SLC22A23: variants seen among roughly 807,000 people sequenced by gnomAD.
SLC22A23 encodes the protein solute carrier family 22 member 23.
In SLC22A23, 26 loss-of-function variants were observed where a neutral mutation model predicts 61.0. That is an observed-to-expected ratio of 0.43 (90% CI 0.31 to 0.59). The LOEUF (loss-of-function observed/expected upper bound fraction) is 0.59, where lower values mean the gene tolerates loss of function less well. Among genes scored for constraint, SLC22A23 ranks in the 20% least tolerant of loss-of-function variants. The pLI is 0.11. For missense variants in SLC22A23, 796 were observed against 934.7 expected (o/e 0.85, Z 1.94); for synonymous variants, 430 against 413.9 (o/e 1.04, Z -0.47).
intron 9 of SLC22A23, among the ~76,000 whole-genome samples, chr6:3,280,929 G>A (rs538352221): frequency 1.3e-5 from 2 of 152,244 alleles, no homozygotes; most frequent in African/African-American, 4.8e-5. Context: ...GTCAGTCAGG[G>A]AGTGTCTCAG....
At chr6:3,290,140 T>G (rs756169832) in intron 5 of SLC22A23, 3 of 509,986 alleles carry the variant, frequency 5.9e-6, no homozygotes, top group Non-Finnish European at 1.1e-5. Context: ...AACCCTTGTT[T>G]TGGAACCAGT....
intron 5 of SLC22A23, chr6:3,290,155 G>A (rs2127332883): frequency 2.1e-6 from 1 of 487,272 alleles, no homozygotes. Context: ...ACCAGTCAGA[G>A]TGCACACAAA....
rs143963234 is a variant in SLC22A23, at chr6:3,369,467, G to T, written c.913+40721C>A. On this transcript the variant is annotated intron_variant, in intron 3 of 9. Transcript: ENST00000406686. Reference sequence around the variant, plus strand: ...GCACTTCGGGAGGCCAAGGCGGGTGGATCACCTGAACTGAAGAGTTCGAGA... The same window carrying T: ...GCACTTCGGGAGGCCAAGGCGGGTGTATCACCTGAACTGAAGAGTTCGAGA... Among the ~76,000 whole-genome samples, 1,098 of 152,258 alleles carry T rather than the reference G, an allele frequency of 7.2e-3. 17 individuals carry two copies. The highest frequency in any genetic ancestry group is 0.02 in the African/African-American group (817 of 41,540).
chr6:3,287,527 C>A (rs144589186), intron 6 of SLC22A23, among the ~76,000 whole-genome samples: 1 of 152,128 alleles, frequency 6.6e-6, no homozygotes, highest in Non-Finnish European at 1.5e-5. Context: ...GGCGGGTAAG[C>A]GGCAACTCAG....
chr6:3,384,041 C>T (rs1049899476), intron 3 of SLC22A23, among the ~76,000 whole-genome samples: 4 of 152,216 alleles, frequency 2.6e-5, no homozygotes, highest in Non-Finnish European at 4.4e-5. Context: ...TAATGATGTA[C>T]ACCCCTATTA....
At chr6:3,406,039 T>A (rs1768801786) in intron 3 of SLC22A23, among the ~76,000 whole-genome samples, 1 of 152,106 alleles carries the variant, frequency 6.6e-6, no homozygotes, top group Admixed American at 6.5e-5. Context: ...TTGTTCATTG[T>A]TGGGGGGAAA....
At chr6:3,290,875 C>T (rs60267481) in intron 5 of SLC22A23, 16,145 of 152,214 alleles carry the variant, frequency 0.11, 1,177 homozygotes, top group African/African-American at 0.2. Context: ...AGGGAGACTT[C>T]CCGAAGCGGA....
At chr6:3,293,564 G>A (rs74450452) in intron 5 of SLC22A23, among the ~76,000 whole-genome samples, 1,698 of 152,344 alleles carry the variant, frequency 0.011, 14 homozygotes, top group Non-Finnish European at 0.018. Flanking sequence ...ACAACTGACC[G>A]GGCACTGCCG....
chr6:3,315,492 C>CGTCCT (rs1226669731), intron 4 of SLC22A23, among the ~76,000 whole-genome samples: 1 of 152,206 alleles, frequency 6.6e-6, no homozygotes, highest in Non-Finnish European at 1.5e-5. Context: ...CTGGACAGGA[C>CGTCCT]CATCAGATCT....
chr6:3,282,093 A>C (rs199518245), intron 9 of SLC22A23: 2 of 645,312 alleles, frequency 3.1e-6, no homozygotes, highest in Non-Finnish European at 5.6e-6. Context: ...CCCCTCCCCC[A>C]ACAAAATATG....
intron 1 of SLC22A23, among the ~76,000 whole-genome samples, chr6:3,430,073 A>C (rs1770760202): frequency 6.6e-6 from 1 of 152,242 alleles, no homozygotes; most frequent in African/African-American, 2.4e-5. Context: ...ACACACAAAA[A>C]AAAGTTTAAA....
chr6:3,450,612 C>A (rs927753658), intron 1 of SLC22A23, among the ~76,000 whole-genome samples: 1 of 152,054 alleles, frequency 6.6e-6, no homozygotes, highest in Admixed American at 6.6e-5. Flanking sequence ...GCCGTCAGTT[C>A]GGTATTAGGA....
In SLC22A23 at chr6:3,325,136, GGAA is replaced by G. The variant is rs1763201275; in HGVS notation, c.914-1137_914-1135del. Among the ~76,000 whole-genome samples, 10 of 152,316 alleles carry G rather than the reference GGAA, an allele frequency of 6.6e-5. No individual in the cohort carries two copies. The South Asian group carries it at 2.1e-3, about 32-fold the overall frequency. On this transcript the variant is annotated intron_variant, in intron 3 of 9. Coordinates refer to ENST00000406686, the MANE Select transcript of SLC22A23 (RefSeq NM_015482.2). ...AGGAGGAGGGGGAAGAAGAAGAAGA[GGAA>G]GAAGACAGACCCTTCGGAGAGAACA...
rs1767594615 is a variant in SLC22A23 at position 3,390,467 on chromosome 6, C to T, written c.913+19721G>A. On this transcript the variant is annotated intron_variant, in intron 3 of 9. Coordinates refer to ENST00000406686, the MANE Select transcript of SLC22A23 (RefSeq NM_015482.2). This position sits in a 1 kb window ranked among gnomAD's most constrained non-coding sequence, Gnocchi z 4.0. The stretch of plus-strand genomic sequence containing the variant: ...ATGAGAAGGCTAAGAATTCTGTTCA[C>T]ATCTACCATGACCTTAGTCCACAGG... Among the ~76,000 whole-genome samples the T allele has an allele frequency of 6.6e-6, 1 of 152,176 alleles. No homozygotes were observed. The highest frequency in any genetic ancestry group is 6.5e-5 in the Admixed American group (1 of 15,276).
At chr6:3,408,526 T>TC (rs1768980335) in intron 3 of SLC22A23, among the ~76,000 whole-genome samples, 2 of 152,176 alleles carry the variant, frequency 1.3e-5, no homozygotes, top group African/African-American at 4.8e-5. Flanking sequence ...TTCCCTACCC[T>TC]CCTTCCTTGA....
chr6:3,416,531 G>C (rs187732931), intron 1 of SLC22A23, among the ~76,000 whole-genome samples: 2 of 152,216 alleles, frequency 1.3e-5, no homozygotes, highest in Non-Finnish European at 2.9e-5. Context: ...TGTTTAATAA[G>C]AAAAATACAA....
Position 3,456,896 on chromosome 6 carries a change from G to C in SLC22A23, c.-337C>G, listed in dbSNP as rs1468536235. ...CTGCTCCGCGCCGGACGCGGCAGGA[G>C]GAGGAGCCGGCGCCGCGCCCGGCCC... On this transcript the variant is annotated 5_prime_UTR_variant, in exon 1 of 10. Coordinates refer to ENST00000406686, the MANE Select transcript of SLC22A23 (RefSeq NM_015482.2). This position sits in a 1 kb window ranked among gnomAD's most constrained non-coding sequence, Gnocchi z 7.1. The C allele has an allele frequency of 6.7e-6, 1 of 148,446 alleles. No homozygotes were observed. The highest frequency in any genetic ancestry group is 2.1e-4 in the South Asian group (1 of 4,822). 9.2% of individuals were successfully genotyped at this position (148,446 alleles called of 1,614,324 possible).
chr6:3,456,699 G>A lies in SLC22A23; in HGVS notation c.-140C>T, dbSNP rs904803176. On this transcript the variant is annotated 5_prime_UTR_variant, in exon 1 of 10. Coordinates refer to ENST00000406686, the MANE Select transcript of SLC22A23 (RefSeq NM_015482.2). This position sits in a 1 kb window ranked among gnomAD's most constrained non-coding sequence, Gnocchi z 7.1. ...CGCGGCTCGAGAGAGAGCGCTCGGC[G>A]GCTCCGGGTGCGTCAGGCCGCCCCC... 17 of 487,918 alleles carry A rather than the reference G, an allele frequency of 3.5e-5. No individual in the cohort carries two copies. Among genetic ancestry groups the A allele is most frequent in the South Asian group, 8.5e-5 (1 of 11,712 alleles). 30.2% of individuals were successfully genotyped at this position (487,918 alleles called of 1,614,324 possible). A position where few individuals can be genotyped will look rare whatever the true frequency, so the allele number is the denominator to read the frequency against.
At chr6:3,316,897 C>T (rs4959805) in intron 4 of SLC22A23, among the ~76,000 whole-genome samples, 2 of 151,926 alleles carry the variant, frequency 1.3e-5, no homozygotes, top group African/African-American at 2.4e-5. Context: ...CTCAGCCATG[C>T]GCCACCATGC....
Sources: gnomAD v4.1 joint callset for allele counts (sites outside exome capture counted in the v4.1 genomes callset) on GRCh38, gnomAD v4.1.1 for gene constraint, Gnocchi (gnomAD v3.1) non-coding constraint, MANE v1.5 for transcripts, NCBI Gene and HGNC (gene_info 2026-07-23, HGNC 2026-07-21) for gene names.